The following SYNE2 variants were observed in gnomAD, a reference collection of about 807,000 sequenced individuals.
SYNE2 encodes nesprin-2.
A neutral mutation model predicts 856.3 loss-of-function variants in SYNE2; 431 were observed. The observed-to-expected ratio is 0.50, with a 90% confidence interval of 0.47 to 0.55. SYNE2 has a LOEUF of 0.55. Among genes scored for constraint, SYNE2 ranks in the 20% least tolerant of loss-of-function variants. The pLI, the probability that SYNE2 is intolerant of heterozygous loss-of-function variation, is 0.00. For synonymous variants in SYNE2, 2,923 were observed against 2,872.3 expected, an observed-to-expected ratio of 1.02 and a Z score of -0.56; for missense variants, 8,129 against 8,023.2, an observed-to-expected ratio of 1.01 and a Z score of -0.50.
At chr14:64,079,828 T>G (rs2097504025) in intron 55 of SYNE2, among the ~76,000 whole-genome samples, 1 of 151,990 alleles carries the variant, frequency 6.6e-6, no homozygotes, top group African/African-American at 2.4e-5. Context: ...CCCACCTCAG[T>G]CTCCCAAGTA....
intron 1 of SYNE2, among the ~76,000 whole-genome samples, chr14:63,763,781 C>T (rs1369058334): frequency 1.3e-5 from 2 of 152,188 alleles, no homozygotes; most frequent in Admixed American, 6.6e-5. Context: ...TCTCCCACCT[C>T]TGCCTCCCCA....
At chr14:63,974,160 A>G (rs370281197) in intron 11 of SYNE2, among the ~76,000 whole-genome samples, 4 of 152,352 alleles carry the variant, frequency 2.6e-5, no homozygotes, top group African/African-American at 9.6e-5. Flanking sequence ...CAGACTTAAG[A>G]CCAGGACTTT....
intron 18 of SYNE2, among the ~76,000 whole-genome samples, chr14:63,984,094 T>A (rs553593481): frequency 6.6e-6 from 1 of 152,206 alleles, no homozygotes; most frequent in African/African-American, 2.4e-5. Context: ...ATACGAAAGA[T>A]TAGCTGGACG....
intron 12 of SYNE2, among the ~76,000 whole-genome samples, chr14:63,977,609 A>C (rs2096554481): frequency 6.6e-6 from 1 of 152,100 alleles, no homozygotes; most frequent in Non-Finnish European, 1.5e-5. Flanking sequence ...TAAAAAACAA[A>C]ATTAGCTGGG....
chr14:64,213,871 A>G (rs185873909), intron 105 of SYNE2, among the ~76,000 whole-genome samples: 8 of 152,344 alleles, frequency 5.3e-5, no homozygotes, highest in African/African-American at 1.2e-4. Context: ...GGAACCTGCC[A>G]TTAACCATCA....
At chr14:63,780,300 G>A (rs760442282) in intron 1 of SYNE2, among the ~76,000 whole-genome samples, 8 of 152,156 alleles carry the variant, frequency 5.3e-5, no homozygotes, top group Non-Finnish European at 7.4e-5. Flanking sequence ...TTGGGAGGCC[G>A]AGGCGGGCAG....
At chr14:63,999,837 A>G (rs1043895473) in intron 27 of SYNE2, among the ~76,000 whole-genome samples, 1 of 152,204 alleles carries the variant, frequency 6.6e-6, no homozygotes, top group African/African-American at 2.4e-5. Context: ...TCACTCCACC[A>G]TCTGGCTGCT....
At chr14:63,963,307 A>G (rs2096346716) in intron 9 of SYNE2, among the ~76,000 whole-genome samples, 1 of 152,238 alleles carries the variant, frequency 6.6e-6, no homozygotes, top group Admixed American at 6.5e-5. Context: ...GAAAACTTTT[A>G]CTTAATAGGA....
Position 64,220,422 on chromosome 14 carries a change from T to TTC in SYNE2, c.19861-7_19861-6dup. ...CTTTCAGAGCTCCTAACCTCATCTT[T>TTC]TCTCTCTCTGGTAGGAGATACTGAA... On this transcript the variant is annotated splice_polypyrimidine_tract_variant and intron_variant, in intron 110 of 115. Transcript: ENST00000555002. 1 of 1,614,108 alleles carries TTC rather than the reference T, an allele frequency of 6.2e-7. No homozygotes were observed. Among genetic ancestry groups the TTC allele is most frequent in the Non-Finnish European group, 8.5e-7 (1 of 1,179,926 alleles).
intron 107 of SYNE2, chr14:64,215,744 G>A (rs1444923542): frequency 2.5e-6 from 1 of 397,130 alleles, no homozygotes; most frequent in Admixed American, 4.1e-5. Flanking sequence ...GTGGGGGGTT[G>A]GGGCGGTAAA....
chr14:64,220,910 A>C (rs1266847639), intron 111 of SYNE2, among the ~76,000 whole-genome samples: 1 of 151,940 alleles, frequency 6.6e-6, no homozygotes, highest in African/African-American at 2.4e-5. Flanking sequence ...ATGCCACCCC[A>C]CAACTCCTCT....
chr14:64,003,037 T>A lies in SYNE2; in HGVS notation c.4104T>A (p.His1368Gln). 1 of 1,614,134 alleles carries A rather than the reference T, an allele frequency of 6.2e-7. No homozygotes were observed. Among genetic ancestry groups the A allele is most frequent in the Non-Finnish European group, 8.5e-7 (1 of 1,180,024 alleles). Residue 1368 changes from histidine to glutamine, a missense_variant, in exon 30 of 116, where the codon CAT (histidine) becomes CAA (glutamine). Coordinates refer to ENST00000555002, the MANE Select transcript of SYNE2 (RefSeq NM_182914.3). ...TAAAAAATAAAGAGGGAGAAATTCA[T>A]CTGATGAAAGACAAGGCCAAACATT... The part of the protein sequence containing the change: ...LTVKNKEGEI[H>Q]LMKDKAKHLD...
At chr14:64,115,667 C>T (rs905139048) in intron 66 of SYNE2, among the ~76,000 whole-genome samples, 1 of 152,152 alleles carries the variant, frequency 6.6e-6, no homozygotes, top group Non-Finnish European at 1.5e-5. Context: ...GGTGCTGGCA[C>T]TTTTTGAACT....
intron 96 of SYNE2, among the ~76,000 whole-genome samples, chr14:64,185,137 A>C (rs1235633949): frequency 6.6e-6 from 1 of 152,220 alleles, no homozygotes; most frequent in Non-Finnish European, 1.5e-5. Flanking sequence ...GCGTGCCTAT[A>C]GTCTCAGCTA....
At chr14:64,156,411 G>A (rs1288863936) in intron 85 of SYNE2, among the ~76,000 whole-genome samples, 3 of 151,952 alleles carry the variant, frequency 2.0e-5, no homozygotes, top group African/African-American at 7.2e-5. Context: ...AATGTACATC[G>A]ATGAGGAATT....
intron 2 of SYNE2, among the ~76,000 whole-genome samples, chr14:63,929,259 T>C (rs1367180279): frequency 6.6e-6 from 1 of 152,138 alleles, no homozygotes; most frequent in African/African-American, 2.4e-5. Flanking sequence ...TAATAATTCA[T>C]TATGTTTATG....
chr14:63,876,374 A>G (rs7149405), intron 1 of SYNE2, among the ~76,000 whole-genome samples: 68,133 of 151,874 alleles, frequency 0.45, 16,091 homozygotes, highest in South Asian at 0.55. Context: ...GCTAAACTCC[A>G]GCCTGGGTGA....
At chr14:63,944,274 ATT>A (rs1173958360) in intron 6 of SYNE2, among the ~76,000 whole-genome samples, 9 of 43,098 alleles carry the variant, frequency 2.1e-4, no homozygotes, top group South Asian at 1.4e-3. Context: ...AGCTTTCTGA[ATT>A]TTTATATATA....
intron 31 of SYNE2, among the ~76,000 whole-genome samples, chr14:64,008,433 A>G (rs748168133): frequency 6.6e-6 from 1 of 152,250 alleles, no homozygotes; most frequent in Non-Finnish European, 1.5e-5. Context: ...TTGCCTGTCA[A>G]TAACGGCTGC....
Sources: gnomAD v4.1 joint callset for allele counts (sites outside exome capture counted in the v4.1 genomes callset) on GRCh38, gnomAD v4.1.1 for gene constraint, MANE v1.5 for transcripts, NCBI Gene and HGNC (gene_info 2026-07-23, HGNC 2026-07-21) for gene names.